TRAPPC9: variants seen among roughly 807,000 people sequenced by gnomAD.
The protein encoded by TRAPPC9 is trafficking protein particle complex subunit 9, also known as IKK2 binding protein.
In TRAPPC9, 83 loss-of-function variants were observed where a neutral mutation model predicts 124.0. That is an observed-to-expected ratio of 0.67 (90% CI 0.56 to 0.80). The LOEUF (loss-of-function observed/expected upper bound fraction) is 0.80, where lower values mean the gene tolerates loss of function less well. Among genes scored for constraint, TRAPPC9 ranks in the 30% least tolerant of loss-of-function variants. The pLI is 0.00. For missense variants in TRAPPC9, 1,302 were observed against 1,508.3 expected, an observed-to-expected ratio of 0.86 and a Z score of 2.27; for synonymous variants, 638 against 617.5, an observed-to-expected ratio of 1.03 and a Z score of -0.49.
chr8:139,956,621 T>C (rs919672162), intron 19 of TRAPPC9, among the ~76,000 whole-genome samples: 5 of 152,242 alleles, frequency 3.3e-5, no homozygotes, highest in African/African-American at 9.6e-5. Flanking sequence ...CAGGCCCTTC[T>C]GATTGACAAG....
At chr8:140,446,950 C>G (rs906163815) in intron 2 of TRAPPC9, among the ~76,000 whole-genome samples, 6 of 152,192 alleles carry the variant, frequency 3.9e-5, no homozygotes, top group Non-Finnish European at 5.9e-5. Flanking sequence ...CACCCTCCCG[C>G]AGCTCCCCTG....
chr8:139,885,823 T>A (rs1446265294), intron 21 of TRAPPC9, 56 bp downstream of exon 21: 3 of 1,509,968 alleles, frequency 2.0e-6, no homozygotes, highest in Admixed American at 3.9e-5. Flanking sequence ...TGCTCGTGCA[T>A]TTGGAGAAAA....
At chr8:140,022,155 G>A (rs1002518010) in intron 18 of TRAPPC9, among the ~76,000 whole-genome samples, 2 of 152,128 alleles carry the variant, frequency 1.3e-5, no homozygotes, top group African/African-American at 4.8e-5. Context: ...GGATGACAAC[G>A]GGAAACAAGG....
At chr8:140,291,916 GA>G (rs2065672111) in intron 11 of TRAPPC9, among the ~76,000 whole-genome samples, 1 of 152,194 alleles carries the variant, frequency 6.6e-6, no homozygotes. Flanking sequence ...ACGGCCTGAG[GA>G]GTCGTGAGAG....
chr8:140,409,445 C>T (rs1277985414), intron 5 of TRAPPC9, among the ~76,000 whole-genome samples: 2 of 152,284 alleles, frequency 1.3e-5, no homozygotes, highest in East Asian at 3.9e-4. Context: ...AGTAATTCCA[C>T]TTCTAGGAAT....
chr8:139,836,217 C>A (rs1826338472), intron 21 of TRAPPC9, among the ~76,000 whole-genome samples: 1 of 152,136 alleles, frequency 6.6e-6, no homozygotes, highest in South Asian at 2.1e-4. Context: ...TCACGTTGGC[C>A]AAGCTGGTCT....
At chr8:139,858,584 A>C (rs1242205119) in intron 21 of TRAPPC9, among the ~76,000 whole-genome samples, 3 of 152,186 alleles carry the variant, frequency 2.0e-5, no homozygotes, top group African/African-American at 7.2e-5. Context: ...GACAGCCAGG[A>C]AGGCCCCAGT....
chr8:139,731,812 T>C (rs573054166), intron 22 of TRAPPC9, among the ~76,000 whole-genome samples, 167 bp downstream of exon 22: 1 of 152,282 alleles, frequency 6.6e-6, no homozygotes, highest in East Asian at 1.9e-4. Context: ...TCTAAGTTCC[T>C]GCAGTGAATG....
At chr8:140,013,956 G>A in intron 18 of TRAPPC9, among the ~76,000 whole-genome samples, 1 of 152,128 alleles carries the variant, frequency 6.6e-6, no homozygotes, top group East Asian at 1.9e-4. Context: ...AGGCGCATGG[G>A]GCTCTCACTC....
At position 139,984,113 on chromosome 8, in the gene TRAPPC9, C is replaced by T. The variant is rs907034052; in HGVS notation, c.2810+4613G>A. On this transcript the variant is annotated intron_variant, in intron 19 of 22. Coordinates refer to ENST00000438773, the MANE Select transcript of TRAPPC9 (RefSeq NM_001160372.4). This position sits in a 1 kb window ranked among gnomAD's most constrained non-coding sequence, Gnocchi z 4.3. ...CCTTCCTACTAGGAGGGAGGAGAGG[C>T]GGCAGGCACCACAATTATCTAACTG... Among the ~76,000 whole-genome samples the T allele has an allele frequency of 1.3e-5, 2 of 152,130 alleles. No individual in the cohort carries two copies. The highest frequency in any genetic ancestry group is 1.9e-4 in the East Asian group (1 of 5,172).
At chr8:139,789,310 G>A (rs1822489766) in intron 21 of TRAPPC9, among the ~76,000 whole-genome samples, 1 of 152,224 alleles carries the variant, frequency 6.6e-6, no homozygotes, top group Admixed American at 6.5e-5. Context: ...GATGGAAACT[G>A]AGGATTCCAT....
intron 5 of TRAPPC9, among the ~76,000 whole-genome samples, chr8:140,411,592 TCAAA>T (rs1192227519): frequency 6.6e-6 from 1 of 152,192 alleles, no homozygotes; most frequent in Non-Finnish European, 1.5e-5. Flanking sequence ...TCTGCCTGCC[TCAAA>T]TTCCCAAAGT....
rs764493439 is a variant in TRAPPC9 at position 140,275,759 on chromosome 8, A to G, written c.2177T>C (p.Leu726Pro). 6.2e-7 allele frequency: 1 copy of G among 1,613,688 alleles called. No homozygotes were observed. The highest frequency in any genetic ancestry group is 8.5e-7 in the Non-Finnish European group (1 of 1,179,576). ...DEISTNVSVQLYNGESQQLII... is the reference protein window; with the variant it reads ...DEISTNVSVQPYNGESQQLII... ...TAGTTGCTGACTTTCTCCATTGTAAAGCTGGACAGATACATTAGTAGATAT... is the reference window on the plus strand; with the variant it reads ...TAGTTGCTGACTTTCTCCATTGTAAGGCTGGACAGATACATTAGTAGATAT... The change falls in exon 15 of 23, where the codon CTT (leucine) becomes CCT (proline). Residue 726 changes from leucine (L) to proline (P), a missense_variant. Physicochemically the swap from Leu to Pro is moderately conservative, Grantham distance 98. This residue lies in a region of TRAPPC9 where 640 missense variants were observed against 679.3 expected (regional missense o/e 0.94). Coordinates refer to ENST00000438773, the MANE Select transcript of TRAPPC9 (RefSeq NM_001160372.4).
At chr8:139,915,158 TGGC>T (rs1832038216) in intron 19 of TRAPPC9, among the ~76,000 whole-genome samples, 1 of 152,204 alleles carries the variant, frequency 6.6e-6, no homozygotes, top group South Asian at 2.1e-4. Flanking sequence ...AGGGTGGCGG[TGGC>T]GGTGCCGGGC....
intron 4 of TRAPPC9, among the ~76,000 whole-genome samples, chr8:140,430,802 C>T (rs954255416): frequency 7.9e-5 from 12 of 151,952 alleles, no homozygotes; most frequent in Non-Finnish European, 1.8e-4. Flanking sequence ...ACATCCCAGG[C>T]TAATTTTTTG....
intron 9 of TRAPPC9, among the ~76,000 whole-genome samples, chr8:140,358,788 G>C (rs1435035880): frequency 1.3e-5 from 2 of 152,204 alleles, no homozygotes; most frequent in African/African-American, 4.8e-5. Flanking sequence ...GGCCTGCAGG[G>C]AGGAGAGGCC....
rs141995679 is a variant in TRAPPC9 at position 139,997,053 on chromosome 8, CTATT to C, written c.2700-8221_2700-8218del. Among the ~76,000 whole-genome samples the C allele has an allele frequency of 0.016, 2,458 of 152,216 alleles. 179 individuals carry two copies. The East Asian group carries it at 0.25, about 15-fold the overall frequency. On this transcript the variant is annotated intron_variant, in intron 18 of 22. Transcript: ENST00000438773. ...TGAGCCATCACGCCTGACCCAAAAA[CTATT>C]TTTTTTAATCCCTGCCTGGAAACAT...
At chr8:139,968,211 G>A (rs917002157) in intron 19 of TRAPPC9, among the ~76,000 whole-genome samples, 8 of 152,140 alleles carry the variant, frequency 5.3e-5, no homozygotes, top group African/African-American at 1.9e-4. Flanking sequence ...GCACAATGGT[G>A]CTTCTGTGTG....
At chr8:139,756,142 A>G (rs776130479) in intron 21 of TRAPPC9, among the ~76,000 whole-genome samples, 6 of 74,958 alleles carry the variant, frequency 8.0e-5, no homozygotes, top group Admixed American at 1.2e-4. Flanking sequence ...ACAGCAGGTC[A>G]CAGGAGGAGC....
Sources: gnomAD v4.1 joint callset for allele counts (sites outside exome capture counted in the v4.1 genomes callset) on GRCh38, gnomAD v4.1.1 for gene constraint, gnomAD v4.1.1 regional missense constraint, Gnocchi (gnomAD v3.1) non-coding constraint, MANE v1.5 for transcripts, NCBI Gene and HGNC (gene_info 2026-07-23, HGNC 2026-07-21) for gene names.